The following RIPOR2 variants were observed in gnomAD, a reference collection of about 807,000 sequenced individuals.
RIPOR2 encodes RHO family interacting cell polarization regulator 2.
RIPOR2 carries 39 observed loss-of-function variants against 114.5 expected under a neutral mutation model. That is an observed-to-expected ratio of 0.34 (90% CI 0.26 to 0.44). The LOEUF (loss-of-function observed/expected upper bound fraction) is 0.44. Ranked by LOEUF, RIPOR2 falls within the 20% of genes least tolerant of loss-of-function variation. The probability of loss-of-function intolerance (pLI) is 1.00; values close to 1 mark genes in which losing one functional copy is unlikely to be tolerated. For missense variants in RIPOR2, 1,007 were observed against 1,255.1 expected (o/e 0.80, Z 2.99); for synonymous variants, 445 against 484.4 (o/e 0.92, Z 1.07).
At chr6:24,993,627 T>C (rs1252205412) in intron 1 of RIPOR2, among the ~76,000 whole-genome samples, 2 of 152,278 alleles carry the variant, frequency 1.3e-5, no homozygotes, top group African/African-American at 2.4e-5. Context: ...CGTGCACACA[T>C]GTGCCTGTGC....
At chr6:25,025,013 G>A (rs974320407) in intron 1 of RIPOR2, among the ~76,000 whole-genome samples, 86 of 152,178 alleles carry the variant, frequency 5.7e-4, no homozygotes, top group African/African-American at 2.0e-3. Flanking sequence ...GGATGTCGAT[G>A]GGTGAGTAAT....
At chr6:25,023,964 C>T in intron 1 of RIPOR2, 1 of 732,760 alleles carries the variant, frequency 1.4e-6, no homozygotes, top group Admixed American at 1.7e-5. Flanking sequence ...TCCACGGGTT[C>T]TTGGGAGTGA....
chr6:24,931,113 CTTCT>C (rs1010505251), intron 1 of RIPOR2, among the ~76,000 whole-genome samples: 2 of 152,190 alleles, frequency 1.3e-5, no homozygotes, highest in Non-Finnish European at 2.9e-5. Flanking sequence ...TTTCCCCTTT[CTTCT>C]TTCTATTAAT....
chr6:24,821,571 A>G lies in RIPOR2; in HGVS notation c.2869-2946T>C, dbSNP rs186428412. Among the ~76,000 whole-genome samples the G allele has an allele frequency of 1.3e-3, 201 of 152,366 alleles. 2 individuals carry two copies. Among genetic ancestry groups the G allele is most frequent in the Admixed American group, 0.012 (180 of 15,304 alleles). ...TTATTACAGCAAGAACAAAAGCAGT[A>G]ACAGTAACTAGCTCTTTACTAGACC... On this transcript the variant is annotated intron_variant, in intron 19 of 21. Transcript: ENST00000643898.
intron 16 of RIPOR2, 92 bp from the exon 17 acceptor site, chr6:24,830,762 C>T: frequency 7.5e-7 from 1 of 1,332,478 alleles, no homozygotes; most frequent in Non-Finnish European, 1.0e-6. Context: ...GTTACCCAGG[C>T]TGGAGTGCAA....
At chr6:24,830,459 C>T (rs1453725765) in intron 17 of RIPOR2, 50 bp downstream of exon 17, 2 of 1,503,568 alleles carry the variant, frequency 1.3e-6, no homozygotes, top group South Asian at 2.5e-5. Flanking sequence ...ACCCCAATGC[C>T]CACTCTCACA....
At chr6:24,942,516 T>C (rs1772189036) in intron 1 of RIPOR2, among the ~76,000 whole-genome samples, 1 of 152,216 alleles carries the variant, frequency 6.6e-6, no homozygotes, top group Non-Finnish European at 1.5e-5. Flanking sequence ...TGAACTAGTT[T>C]ATAGTCCCAC....
chr6:24,921,653 C>G (rs904886009), intron 1 of RIPOR2, among the ~76,000 whole-genome samples: 15 of 149,084 alleles, frequency 1.0e-4, no homozygotes, highest in East Asian at 2.0e-4. Context: ...CACTTATCGC[C>G]CCCCCCGACC....
intron 1 of RIPOR2, among the ~76,000 whole-genome samples, chr6:25,036,586 A>T (rs1777265051): frequency 6.6e-6 from 1 of 152,012 alleles, no homozygotes; most frequent in South Asian, 2.1e-4. Flanking sequence ...TAGAGACAGG[A>T]TCTTGCTATG....
upstream of RIPOR2, chr6:25,042,040 C>G (rs1005541168): frequency 1.8e-5 from 9 of 495,678 alleles, 1 homozygote; most frequent in South Asian, 5.8e-5. Context: ...CTTAACCCCC[C>G]CCTTTTTGTT....
intron 1 of RIPOR2, among the ~76,000 whole-genome samples, chr6:24,927,288 C>T (rs1771003695): frequency 1.3e-4 from 6 of 45,804 alleles, no homozygotes; most frequent in Admixed American, 2.1e-4. Context: ...CCACCACCAC[C>T]ACCACCACCA....
intron 1 of RIPOR2, among the ~76,000 whole-genome samples, chr6:24,950,920 G>T (rs1324793707): frequency 6.6e-6 from 1 of 152,194 alleles, no homozygotes; most frequent in Non-Finnish European, 1.5e-5. Context: ...GCAGCCACAG[G>T]ATCTAGGTCT....
chr6:24,983,865 G>T (rs1289030987), intron 1 of RIPOR2, among the ~76,000 whole-genome samples: 1 of 151,820 alleles, frequency 6.6e-6, no homozygotes, highest in African/African-American at 2.4e-5. Context: ...GCTAGGTGTG[G>T]CCATGGTTAA....
intron 1 of RIPOR2, among the ~76,000 whole-genome samples, chr6:24,982,547 A>G (rs2113587437): frequency 6.6e-6 from 1 of 152,382 alleles, no homozygotes; most frequent in East Asian, 1.9e-4. Flanking sequence ...CCAAATATTT[A>G]TTAAGCCAAG....
intron 17 of RIPOR2, among the ~76,000 whole-genome samples, chr6:24,829,560 G>A (rs1024979558): frequency 2.0e-5 from 3 of 152,174 alleles, no homozygotes; most frequent in African/African-American, 7.2e-5. Flanking sequence ...CCAGGAGATT[G>A]AGGCTGCAGT....
intron 19 of RIPOR2, among the ~76,000 whole-genome samples, chr6:24,824,808 C>T (rs907057787): frequency 3.3e-5 from 5 of 152,094 alleles, no homozygotes; most frequent in Non-Finnish European, 7.4e-5. Context: ...CAAATGCCCA[C>T]CAATACACAG....
intron 1 of RIPOR2, chr6:25,024,143 G>A (rs898946107): frequency 3.9e-5 from 40 of 1,020,086 alleles, no homozygotes; most frequent in Non-Finnish European, 5.7e-5. Flanking sequence ...CGGTGGCGCC[G>A]CGGGACACCC....
At position 24,894,586 on chromosome 6, in the gene RIPOR2, T is replaced by C. The variant is rs145596996; in HGVS notation, c.62-18769A>G. Among the ~76,000 whole-genome samples the C allele has an allele frequency of 5.9e-5, 9 of 152,308 alleles. No individual in the cohort carries two copies. The East Asian group carries it at 1.7e-3, about 29-fold the overall frequency. ...AGAATGCCTTGTGGCCCCACAAACA[T>C]CATCAATCAGTACAAATCCAATTCA... On this transcript the variant is annotated intron_variant, in intron 1 of 21. Transcript: ENST00000643898.
chr6:24,848,011 T>TAC lies in RIPOR2; in HGVS notation c.1164+12_1164+13dup. On this transcript the variant is annotated intron_variant, in intron 12 of 21. Coordinates refer to ENST00000643898, the MANE Select transcript of RIPOR2 (RefSeq NM_001286445.3). ...GGTGCATTGATTCTACTCGGGAAAT[T>TAC]ACACTGAACTTACAAAGAAGGAGTG... 2 of 1,613,846 alleles carry TAC rather than the reference T, an allele frequency of 1.2e-6. No individual in the cohort carries two copies. Among genetic ancestry groups the TAC allele is most frequent in the Non-Finnish European group, 1.7e-6 (2 of 1,179,808 alleles).
Sources: gnomAD v4.1 joint callset for allele counts (sites outside exome capture counted in the v4.1 genomes callset) on GRCh38, gnomAD v4.1.1 for gene constraint, MANE v1.5 for transcripts, NCBI Gene and HGNC (gene_info 2026-07-23, HGNC 2026-07-21) for gene names.